Variants in AGBL4 observed in about 807,000 individuals in gnomAD.
AGBL4 encodes the protein AGBL carboxypeptidase 4.
Under a neutral mutation model 66.4 loss-of-function variants are expected in AGBL4, and 58 were observed. The ratio of observed to expected loss-of-function variants is 0.87; its 90% CI spans 0.71 to 1.09. AGBL4 has a LOEUF of 1.09. Among genes scored for constraint, AGBL4 ranks in the 50% least tolerant of loss-of-function variants. The pLI, the probability that AGBL4 is intolerant of heterozygous loss-of-function variation, is 0.00. For synonymous variants in AGBL4, 234 were observed against 222.9 expected, an observed-to-expected ratio of 1.05 and a Z score of -0.44; for missense variants, 579 against 631.0, an observed-to-expected ratio of 0.92 and a Z score of 0.88.
At chr1:49,404,036 A>T (rs187603453) in intron 3 of AGBL4, among the ~76,000 whole-genome samples, 2 of 152,228 alleles carry the variant, frequency 1.3e-5, no homozygotes, top group Admixed American at 1.3e-4. Context: ...TTCTTGCAGA[A>T]AGCTTTGCCT....
chr1:48,831,259 C>T (rs1006881348), intron 6 of AGBL4, among the ~76,000 whole-genome samples: 2 of 152,122 alleles, frequency 1.3e-5, no homozygotes, highest in Non-Finnish European at 2.9e-5. Context: ...GCCCTCTGGG[C>T]TGGAAGAACT....
intron 1 of AGBL4, among the ~76,000 whole-genome samples, chr1:50,006,281 G>A (rs1435123822): frequency 6.6e-6 from 1 of 151,458 alleles, no homozygotes; most frequent in African/African-American, 2.4e-5. Flanking sequence ...GGAGCTTGCA[G>A]TGAGCCAAGA....
chr1:49,815,923 C>T (rs79362127), intron 2 of AGBL4, among the ~76,000 whole-genome samples: 1,855 of 152,152 alleles, frequency 0.012, 27 homozygotes, highest in Non-Finnish European at 0.015. Context: ...GGAGGTCTTA[C>T]TCTGTTGCCC....
chr1:49,412,099 A>T (rs1005032168), intron 3 of AGBL4, among the ~76,000 whole-genome samples: 1 of 151,886 alleles, frequency 6.6e-6, no homozygotes, highest in African/African-American at 2.4e-5. Context: ...TTCTTTTCAT[A>T]AAAAAAATCT....
intron 11 of AGBL4, among the ~76,000 whole-genome samples, chr1:48,547,793 T>C (rs1424298488): frequency 6.6e-6 from 1 of 152,120 alleles, no homozygotes; most frequent in Non-Finnish European, 1.5e-5. Flanking sequence ...TCTCAGGGCC[T>C]CAGATCTGGG....
chr1:48,564,037 G>C (rs1047555327), intron 11 of AGBL4, among the ~76,000 whole-genome samples: 1 of 152,036 alleles, frequency 6.6e-6, no homozygotes, highest in African/African-American at 2.4e-5. Flanking sequence ...CAGCCAGGGG[G>C]GTATTGTTTT....
downstream of AGBL4, among the ~76,000 whole-genome samples, chr1:48,531,774 ATG>A (rs2148247519): frequency 6.6e-6 from 1 of 151,730 alleles, no homozygotes; most frequent in African/African-American, 2.4e-5. Context: ...GTATGTATGT[ATG>A]TATGTATTTA....
intron 3 of AGBL4, among the ~76,000 whole-genome samples, chr1:49,419,228 C>T (rs1356130802): frequency 1.3e-5 from 2 of 152,106 alleles, no homozygotes; most frequent in Non-Finnish European, 2.9e-5. Context: ...TGGCATATCA[C>T]ACAACAAGTA....
intron 1 of AGBL4, among the ~76,000 whole-genome samples, chr1:49,904,207 C>T (rs895820917): frequency 6.6e-6 from 1 of 152,108 alleles, no homozygotes; most frequent in Non-Finnish European, 1.5e-5. Context: ...ATAAACTTAT[C>T]CCTAAAAACA....
At chr1:49,481,657 C>G (rs1214489564) in intron 3 of AGBL4, among the ~76,000 whole-genome samples, 1 of 151,832 alleles carries the variant, frequency 6.6e-6, no homozygotes, top group Non-Finnish European at 1.5e-5. Flanking sequence ...ACTTCTAATA[C>G]TTTGTTGAAT....
At chr1:48,685,175 T>C (rs1646512745) in intron 6 of AGBL4, among the ~76,000 whole-genome samples, 2 of 152,258 alleles carry the variant, frequency 1.3e-5, no homozygotes, top group South Asian at 4.1e-4. Flanking sequence ...CATAGAATTT[T>C]TCAAATTTGA....
At chr1:48,703,866 C>T (rs1570301731) in intron 6 of AGBL4, among the ~76,000 whole-genome samples, 1 of 152,124 alleles carries the variant, frequency 6.6e-6, no homozygotes, top group East Asian at 1.9e-4. Context: ...TTGTTGTTAA[C>T]TGATAATTAG....
chr1:49,891,073 C>T (rs1394717726), intron 1 of AGBL4, among the ~76,000 whole-genome samples: 1 of 151,952 alleles, frequency 6.6e-6, no homozygotes, highest in Non-Finnish European at 1.5e-5. Context: ...TTATTTGACC[C>T]CTGAGTTAAG....
chr1:49,213,789 C>A (rs944732821), intron 4 of AGBL4, among the ~76,000 whole-genome samples: 1 of 152,074 alleles, frequency 6.6e-6, no homozygotes, highest in African/African-American at 2.4e-5. Context: ...AGCTTATATA[C>A]CTCCTTAGGA....
At chr1:49,605,145 A>G (rs1645039372) in intron 3 of AGBL4, among the ~76,000 whole-genome samples, 1 of 152,144 alleles carries the variant, frequency 6.6e-6, no homozygotes, top group Non-Finnish European at 1.5e-5. Flanking sequence ...GTGGAGTTTT[A>G]AAGCCTCATT....
intron 6 of AGBL4, among the ~76,000 whole-genome samples, chr1:48,784,365 C>T (rs1306612472): frequency 6.6e-6 from 1 of 152,140 alleles, no homozygotes; most frequent in Non-Finnish European, 1.5e-5. Flanking sequence ...CTGAACAATG[C>T]TAATGATAAT....
chr1:49,134,243 G>A (rs1300267982), intron 4 of AGBL4, among the ~76,000 whole-genome samples: 1 of 152,108 alleles, frequency 6.6e-6, no homozygotes, highest in Non-Finnish European at 1.5e-5. Context: ...GAGACCACGA[G>A]GTCAGGGTGA....
At chr1:49,496,800 T>C (rs1428513742) in intron 3 of AGBL4, among the ~76,000 whole-genome samples, 2 of 145,008 alleles carry the variant, frequency 1.4e-5, no homozygotes. Flanking sequence ...ATTCTATATC[T>C]TGAATATTGT....
At chr1:49,707,598 A>G (rs890918265) in intron 2 of AGBL4, among the ~76,000 whole-genome samples, 1 of 151,944 alleles carries the variant, frequency 6.6e-6, no homozygotes, top group African/African-American at 2.4e-5. Context: ...TGTCATTATG[A>G]TCCTAGCTGG....
Sources: allele counts gnomAD v4.1 joint callset (sites outside exome capture counted in the v4.1 genomes callset), GRCh38; gene constraint gnomAD v4.1.1; transcripts MANE v1.5; gene names NCBI Gene and HGNC (gene_info 2026-07-23, HGNC 2026-07-21).